The following NR3C2 variants were observed in gnomAD, a reference collection of about 807,000 sequenced individuals.
The protein encoded by NR3C2 is nuclear receptor subfamily 3 group C member 2, also known as mineralocorticoid receptor.
A neutral mutation model predicts 86.4 loss-of-function variants in NR3C2; 15 were observed. That is an observed-to-expected ratio of 0.17 (90% CI 0.12 to 0.27). NR3C2 has a LOEUF of 0.27. Among genes scored for constraint, NR3C2 ranks in the 10% least tolerant of loss-of-function variants. The probability of loss-of-function intolerance (pLI) is 1.00; values close to 1 mark genes in which losing one functional copy is unlikely to be tolerated. For synonymous variants in NR3C2, 458 were observed against 450.5 expected (o/e 1.02, Z -0.21); for missense variants, 960 against 1,195.6 (o/e 0.80, Z 2.91).
chr4:148,294,314 C>T (rs1029392804), intron 2 of NR3C2, among the ~76,000 whole-genome samples: 2 of 152,144 alleles, frequency 1.3e-5, no homozygotes, highest in Non-Finnish European at 2.9e-5. Context: ...CAATATTAAT[C>T]CCCAAATCCA....
At position 148,421,910 on chromosome 4, in the gene NR3C2, C is replaced by T. The variant is rs72658659; in HGVS notation, c.1757+13194G>A. The stretch of plus-strand genomic sequence containing the variant: ...AATGCACAGTTCATGAAATTATACT[C>T]TCTCATAAAAATCTTTTGCTTGTTA... On this transcript the variant is annotated intron_variant, in intron 2 of 8. Transcript: ENST00000358102. Among the ~76,000 whole-genome samples the T allele has an allele frequency of 8.2e-4, 125 of 152,208 alleles. 1 individual carries two copies. The highest frequency in any genetic ancestry group is 2.8e-3 in the African/African-American group (117 of 41,542).
intron 8 of NR3C2, among the ~76,000 whole-genome samples, chr4:148,102,615 T>G (rs1488190052): frequency 6.6e-6 from 1 of 152,134 alleles, no homozygotes; most frequent in East Asian, 1.9e-4. Context: ...CTCTTGGTGC[T>G]CCTGCCCCAG....
At chr4:148,185,485 A>C (rs551852743) in intron 4 of NR3C2, among the ~76,000 whole-genome samples, 1 of 152,348 alleles carries the variant, frequency 6.6e-6, no homozygotes, top group Non-Finnish European at 1.5e-5. Context: ...AGAAGAATGA[A>C]GTCTCATTTA....
chr4:148,383,945 C>G (rs1747130738), intron 2 of NR3C2, among the ~76,000 whole-genome samples: 1 of 113,770 alleles, frequency 8.8e-6, no homozygotes, highest in Non-Finnish European at 1.8e-5. Flanking sequence ...GAGACTCTGT[C>G]TCAGGGGAAA....
chr4:148,233,031 G>C (rs1472983317), intron 3 of NR3C2, among the ~76,000 whole-genome samples: 1 of 152,158 alleles, frequency 6.6e-6, no homozygotes, highest in Non-Finnish European at 1.5e-5. Context: ...CTTCTATCCA[G>C]ACCACTAAAA....
In NR3C2 at chr4:148,154,944, T is replaced by C. The variant is rs1324978657; in HGVS notation, c.2015-43A>G. 7 of 1,465,350 alleles carry C rather than the reference T, an allele frequency of 4.8e-6. No homozygotes were observed. In the African/African-American group the frequency reaches 9.8e-5, roughly 21 times the overall value. 90.8% of individuals were successfully genotyped at this position (1,465,350 alleles called of 1,614,324 possible). On this transcript the variant is annotated intron_variant, in intron 4 of 8. Transcript: ENST00000358102. Reference sequence around the variant, plus strand: ...TGATAAGGCCAAATTAAAATTATGTTTGAAATATGCTGACTCACACTGGTT... The same window carrying C: ...TGATAAGGCCAAATTAAAATTATGTCTGAAATATGCTGACTCACACTGGTT...
intron 2 of NR3C2, among the ~76,000 whole-genome samples, chr4:148,412,004 C>T (rs1253594065): frequency 6.6e-6 from 1 of 152,164 alleles, no homozygotes; most frequent in African/African-American, 2.4e-5. Flanking sequence ...CAGAGCTGGG[C>T]TATAACACAT....
At chr4:148,117,890 G>T (rs957244154) in intron 7 of NR3C2, among the ~76,000 whole-genome samples, 1 of 152,198 alleles carries the variant, frequency 6.6e-6, no homozygotes, top group African/African-American at 2.4e-5. Flanking sequence ...GCTGGGCACA[G>T]ACTGGATACT....
At chr4:148,431,959 T>C (rs1287518550) in intron 2 of NR3C2, among the ~76,000 whole-genome samples, 1 of 152,016 alleles carries the variant, frequency 6.6e-6, no homozygotes, top group Non-Finnish European at 1.5e-5. Context: ...TTATTGCTAC[T>C]GTATTGGAAA....
chr4:148,119,305 C>T (rs954194896), intron 7 of NR3C2, among the ~76,000 whole-genome samples: 6 of 152,174 alleles, frequency 3.9e-5, no homozygotes, highest in Admixed American at 6.5e-5. Context: ...CACAGGTCCA[C>T]ACTCATTACT....
chr4:148,211,939 TC>T (rs1394009664), intron 3 of NR3C2, among the ~76,000 whole-genome samples: 1 of 152,218 alleles, frequency 6.6e-6, no homozygotes, highest in Non-Finnish European at 1.5e-5. Flanking sequence ...ATCAGCTCAT[TC>T]TTCTTTCCCT....
At chr4:148,214,045 G>C (rs1448341488) in intron 3 of NR3C2, among the ~76,000 whole-genome samples, 1 of 152,218 alleles carries the variant, frequency 6.6e-6, no homozygotes, top group Non-Finnish European at 1.5e-5. Flanking sequence ...AGAGATGTCA[G>C]ACTTTAAATC....
chr4:148,173,316 T>C (rs1735221075), intron 4 of NR3C2, among the ~76,000 whole-genome samples: 1 of 152,192 alleles, frequency 6.6e-6, no homozygotes, highest in Admixed American at 6.5e-5. Flanking sequence ...AATCAAGGAT[T>C]GGAAGATAGG....
intron 2 of NR3C2, among the ~76,000 whole-genome samples, chr4:148,417,071 C>T (rs1749049906): frequency 6.6e-6 from 1 of 152,166 alleles, no homozygotes; most frequent in Non-Finnish European, 1.5e-5. Context: ...GCCACCGCAC[C>T]TGGCCTGTAT....
At chr4:148,258,862 A>G (rs1739954254) in intron 3 of NR3C2, among the ~76,000 whole-genome samples, 1 of 152,222 alleles carries the variant, frequency 6.6e-6, no homozygotes, top group African/African-American at 2.4e-5. Flanking sequence ...TGTATTTTCT[A>G]TCACCTGTAA....
chr4:148,296,945 T>C (rs1742081597), intron 2 of NR3C2, among the ~76,000 whole-genome samples: 1 of 152,218 alleles, frequency 6.6e-6, no homozygotes, highest in Non-Finnish European at 1.5e-5. Flanking sequence ...AATATATTTA[T>C]TTTGACACAC....
intron 8 of NR3C2, among the ~76,000 whole-genome samples, chr4:148,104,607 G>A (rs564469957): frequency 5.0e-4 from 76 of 152,252 alleles, no homozygotes; most frequent in Middle Eastern, 3.4e-3. Context: ...GGTACTACCA[G>A]CTCTGGGTAC....
chr4:148,375,159 T>A (rs1426403476), intron 2 of NR3C2, among the ~76,000 whole-genome samples: 1 of 152,162 alleles, frequency 6.6e-6, no homozygotes. Flanking sequence ...AATTCATCAA[T>A]AAAACTGCAA....
At chr4:148,171,559 C>A (rs1380251090) in intron 4 of NR3C2, among the ~76,000 whole-genome samples, 1 of 152,156 alleles carries the variant, frequency 6.6e-6, no homozygotes, top group Non-Finnish European at 1.5e-5. Context: ...AATGCACAAC[C>A]CAGATCCCTT....
Sources: allele counts gnomAD v4.1 joint callset (sites outside exome capture counted in the v4.1 genomes callset), GRCh38; gene constraint gnomAD v4.1.1; transcripts MANE v1.5; gene names NCBI Gene and HGNC (gene_info 2026-07-23, HGNC 2026-07-21).